Variants in ZNF529 observed in about 807,000 individuals in gnomAD.
ZNF529 encodes zinc finger protein 529.
A neutral mutation model predicts 10.1 loss-of-function variants in ZNF529; 11 were observed. The observed-to-expected ratio is 1.09, with a 90% CI of 0.69 to 1.81. The LOEUF (loss-of-function observed/expected upper bound fraction) is 1.81. Ranked by LOEUF, ZNF529 falls within the 40% of genes most tolerant of loss-of-function variation. The pLI, the probability that ZNF529 is intolerant of heterozygous loss-of-function variation, is 0.00. For synonymous variants in ZNF529, 204 were observed against 215.7 expected (o/e 0.95, Z 0.47); for missense variants, 624 against 666.8 (o/e 0.94, Z 0.71).
At chr19:36,590,205 CA>C (rs1312483147) in intron 1 of ZNF529, among the ~76,000 whole-genome samples, 2 of 151,888 alleles carry the variant, frequency 1.3e-5, no homozygotes, top group Non-Finnish European at 2.9e-5. Context: ...CTCATATCTA[CA>C]AAATACAAAA....
At chr19:36,584,936 T>G (rs1046155002) in intron 2 of ZNF529, among the ~76,000 whole-genome samples, 2 of 152,236 alleles carry the variant, frequency 1.3e-5, no homozygotes, top group Non-Finnish European at 1.5e-5. Flanking sequence ...GAAAGTAGAA[T>G]AAGGAGCACT....
chr19:36,566,381 A>G (rs12972864), intron 2 of ZNF529, among the ~76,000 whole-genome samples: 13,407 of 152,218 alleles, frequency 0.088, 628 homozygotes, highest in African/African-American at 0.13. Flanking sequence ...GTACAGTACA[A>G]TAAGTTAATT....
intron 1 of ZNF529, among the ~76,000 whole-genome samples, chr19:36,603,436 C>T (rs1356710979): frequency 6.6e-6 from 1 of 152,176 alleles, no homozygotes; most frequent in Non-Finnish European, 1.5e-5. Flanking sequence ...AGATAAGTCA[C>T]TATTTGGTGA....
intron 4 of ZNF529, among the ~76,000 whole-genome samples, chr19:36,550,860 A>C (rs983586679): frequency 1.3e-5 from 2 of 152,218 alleles, no homozygotes; most frequent in Admixed American, 6.5e-5. Context: ...CTAATGAATG[A>C]ATTTCTTGGT....
rs905478791 is a variant in ZNF529, at chr19:36,546,053, G to A, written c.*813C>T. On this transcript the variant is annotated 3_prime_UTR_variant, in exon 5 of 5. Coordinates refer to ENST00000591340, the MANE Select transcript of ZNF529 (RefSeq NM_020951.5). ...TACTATATATACATATATTGTGTGT[G>A]TGTGTGTGTATATATATATATATAT... 1 of 80,676 alleles carries A rather than the reference G, an allele frequency of 1.2e-5. No homozygotes were observed. The highest frequency in any genetic ancestry group is 1.1e-4 in the Admixed American group (1 of 8,806). 5.0% of individuals were successfully genotyped at this position (80,676 alleles called of 1,614,324 possible). A position where few individuals can be genotyped will look rare whatever the true frequency, so the allele number is the denominator to read the frequency against.
At position 36,547,274 on chromosome 19, in the gene ZNF529, C is replaced by A; in HGVS notation, c.1284G>T (p.Glu428Asp). The A allele has an allele frequency of 6.2e-7, 1 of 1,613,736 alleles. No individual in the cohort carries two copies. Among genetic ancestry groups the A allele is most frequent in the East Asian group, 2.2e-5 (1 of 44,866 alleles). Residue 428 changes from glutamate to aspartate, a missense_variant, in exon 5 of 5, where the codon GAG (glutamate) becomes GAT (aspartate). By Grantham distance (45) the Glu-to-Asp change is conservative (BLOSUM62 2). Transcript: ENST00000591340. ...GEKPYKCKECEKAFGVGSELT... is the reference protein window; with the variant it reads ...GEKPYKCKECDKAFGVGSELT... The stretch of plus-strand genomic sequence containing the variant: ...GTTCACTACCTACTCCAAATGCTTT[C>A]TCACATTCTTTACATTTATAGGGTT...
At chr19:36,571,628 T>C (rs1047291361) in intron 2 of ZNF529, among the ~76,000 whole-genome samples, 15 of 149,478 alleles carry the variant, frequency 1.0e-4, no homozygotes, top group African/African-American at 3.5e-4. Context: ...TGAACTGAGA[T>C]CGCACCATTG....
chr19:36,567,632 G>A (rs1282603387), intron 2 of ZNF529, among the ~76,000 whole-genome samples: 1 of 151,968 alleles, frequency 6.6e-6, no homozygotes. Context: ...AGTAGGAGAC[G>A]GGGTTTCACC....
At position 36,588,072 on chromosome 19, in the gene ZNF529, C is replaced by T. The variant is rs1228736512; in HGVS notation, c.-41+1543G>A. ...CTGAGGCAGGAGACTCGCTTGAACC[C>T]GGGAGGAGGAAGTTGCAGTGAGCCG... On this transcript the variant is annotated intron_variant, in intron 2 of 4. Transcript: ENST00000585960. 5.9e-5 allele frequency among the ~76,000 whole-genome samples: 9 copies of T among 152,166 alleles called. No individual in the cohort carries two copies. The East Asian group carries it at 9.7e-4, about 16-fold the overall frequency.
At chr19:36,603,558 C>T (rs565098951) in intron 1 of ZNF529, among the ~76,000 whole-genome samples, 1 of 152,284 alleles carries the variant, frequency 6.6e-6, no homozygotes, top group East Asian at 1.9e-4. Flanking sequence ...AACTACAATG[C>T]TTTTCTTCTC....
rs374590173 is a variant in ZNF529, at chr19:36,573,198, G to A, written c.-105C>T. 2 of 323,882 alleles carry A rather than the reference G, an allele frequency of 6.2e-6. No homozygotes were observed. The highest frequency in any genetic ancestry group is 3.9e-5 in the Admixed American group (1 of 25,718). 20.1% of individuals were successfully genotyped at this position (323,882 alleles called of 1,614,324 possible). ...TCAGGCTCCCGGCTCCACGTGGACC[G>A]ACCTCGCCCGGCAGCGCGGGGCCAC... On this transcript the variant is annotated 5_prime_UTR_variant, in exon 1 of 5. Transcript: ENST00000591340.
chr19:36,603,844 T>C (rs2036969983), intron 1 of ZNF529, among the ~76,000 whole-genome samples: 1 of 152,240 alleles, frequency 6.6e-6, no homozygotes, highest in Non-Finnish European at 1.5e-5. Context: ...ATGAAAATGC[T>C]GTGGATCTGC....
At position 36,554,310 on chromosome 19, in the gene ZNF529, G is replaced by A. The variant is rs147007418; in HGVS notation, c.235+360C>T. ...AACATAGCCTTGAGGACGGCGCAGT[G>A]GCTCACACCTGTAATCCCAGCACTT... On this transcript the variant is annotated intron_variant, in intron 4 of 4. Transcript: ENST00000591340. Among the ~76,000 whole-genome samples, 858 of 152,280 alleles carry A rather than the reference G, an allele frequency of 5.6e-3. 4 individuals are homozygous for A. Among genetic ancestry groups the A allele is most frequent in the Middle Eastern group, 0.02 (6 of 294 alleles).
chr19:36,555,999 A>G, intron 3 of ZNF529, 105 bp downstream of exon 3: 1 of 1,170,964 alleles, frequency 8.5e-7, no homozygotes, highest in African/African-American at 1.5e-5. Flanking sequence ...CTTACTAGAA[A>G]GCGAAGAAGT....
At chr19:36,600,623 T>G (rs893533016) in intron 1 of ZNF529, among the ~76,000 whole-genome samples, 1 of 152,168 alleles carries the variant, frequency 6.6e-6, no homozygotes, top group African/African-American at 2.4e-5. Flanking sequence ...TATAGATCAG[T>G]GGTTCAAAAC....
Position 36,551,577 on chromosome 19 carries a change from TATA to T in ZNF529, c.235+3090_235+3092del, listed in dbSNP as rs146223288. ...CTTACTTACAGTAATATAAAAGACA[TATA>T]ATAAAAAAAGCCTCTTTGCCTTTCC... On this transcript the variant is annotated intron_variant, in intron 4 of 4. Transcript: ENST00000591340. 9.7e-3 allele frequency among the ~76,000 whole-genome samples: 1,475 copies of T among 152,252 alleles called. 29 individuals are homozygous for T. Among genetic ancestry groups the T allele is most frequent in the African/African-American group, 0.034 (1,426 of 41,540 alleles).
At chr19:36,587,364 GT>G (rs1456967984) in intron 2 of ZNF529, 2 of 151,964 alleles carry the variant, frequency 1.3e-5, no homozygotes, top group Admixed American at 1.3e-4. Context: ...TTATTTTAAA[GT>G]GTTGGGAAGG....
intron 4 of ZNF529, among the ~76,000 whole-genome samples, chr19:36,550,737 T>C (rs1490043440): frequency 6.6e-6 from 1 of 152,040 alleles, no homozygotes; most frequent in African/African-American, 2.4e-5. Context: ...AACCAATGTA[T>C]AAAGAACAGT....
intron 1 of ZNF529, among the ~76,000 whole-genome samples, chr19:36,594,961 C>T (rs531327720): frequency 2.0e-5 from 3 of 152,122 alleles, no homozygotes; most frequent in South Asian, 2.1e-4. Context: ...TCACTGCAAC[C>T]TCCGCCTCCT....
Sources: allele counts gnomAD v4.1 joint callset (sites outside exome capture counted in the v4.1 genomes callset), GRCh38; gene constraint gnomAD v4.1.1; transcripts MANE v1.5; gene names NCBI Gene and HGNC (gene_info 2026-07-23, HGNC 2026-07-21).